Variants in NCKAP5 observed in about 807,000 individuals in gnomAD.
NCKAP5 encodes NCK associated protein 5, also known as nck-associated protein 5.
NCKAP5 carries 92 observed loss-of-function variants against 167.0 expected under a neutral mutation model. The observed-to-expected ratio is 0.55, with a 90% CI of 0.47 to 0.66. The LOEUF is 0.66. Among genes scored for constraint, NCKAP5 ranks in the 30% least tolerant of loss-of-function variants. The probability of loss-of-function intolerance (pLI) is 0.00; values close to 1 mark genes in which losing one functional copy is unlikely to be tolerated. For missense variants in NCKAP5, 2,378 were observed against 2,315.0 expected, an observed-to-expected ratio of 1.03 and a Z score of -0.56; for synonymous variants, 891 against 877.4, an observed-to-expected ratio of 1.02 and a Z score of -0.27.
At chr2:133,161,386 T>C (rs1455342246) in intron 5 of NCKAP5, among the ~76,000 whole-genome samples, 2 of 152,160 alleles carry the variant, frequency 1.3e-5, no homozygotes, top group African/African-American at 4.8e-5. Flanking sequence ...AATTAGTCCA[T>C]CTAAAAATAT....
chr2:133,574,511 C>T, the NCKAP5 span, among the ~76,000 whole-genome samples: 9 of 151,858 alleles, frequency 5.9e-5, no homozygotes, highest in African/African-American at 2.2e-4. Context: ...GTTGAGAAAG[C>T]TTTTTAGTTA....
intron 6 of NCKAP5, among the ~76,000 whole-genome samples, chr2:133,111,968 A>T (rs978620530): frequency 1.3e-5 from 2 of 152,190 alleles, no homozygotes; most frequent in Non-Finnish European, 2.9e-5. Flanking sequence ...CTAAGATTCC[A>T]GGTAAATTAA....
the NCKAP5 span, among the ~76,000 whole-genome samples, chr2:133,637,476 C>CAAAAAAAAAAAAAAAAAAAA: frequency 5.4e-4 from 17 of 31,662 alleles, no homozygotes; most frequent in Admixed American, 2.0e-3. Context: ...TGGTATTTTC[C>CAAAAAAAAAAAAAAAAAAAA]AAAAAAAAAA....
intron 9 of NCKAP5, among the ~76,000 whole-genome samples, chr2:132,873,592 C>T (rs1317920392): frequency 6.6e-6 from 1 of 152,122 alleles, no homozygotes; most frequent in East Asian, 1.9e-4. Context: ...AAGAAAGAAA[C>T]TCGAAGAGGT....
chr2:133,095,392 C>T (rs995398314), intron 6 of NCKAP5, among the ~76,000 whole-genome samples: 1 of 152,206 alleles, frequency 6.6e-6, no homozygotes, highest in Admixed American at 6.5e-5. Flanking sequence ...GAATTTGGGT[C>T]AGGCTCGTGA....
At position 132,672,911 on chromosome 2, in the gene NCKAP5, G is replaced by A; in HGVS notation, c.*378C>T. Reference sequence around the variant, plus strand: ...GCCTGCTGTGAATTTGACAAGGAAGGCTCTGGTACTGCAATAGTTTATTGT... The same window carrying A: ...GCCTGCTGTGAATTTGACAAGGAAGACTCTGGTACTGCAATAGTTTATTGT... On this transcript the variant is annotated 3_prime_UTR_variant, in exon 20 of 20. Coordinates refer to ENST00000409261, the MANE Select transcript of NCKAP5 (RefSeq NM_207363.3). 1.0e-6 allele frequency: 1 copy of A among 960,388 alleles called. No individual in the cohort carries two copies. 59.5% of individuals were successfully genotyped at this position (960,388 alleles called of 1,614,324 possible).
intron 9 of NCKAP5, among the ~76,000 whole-genome samples, chr2:132,875,874 C>T (rs188050206): frequency 2.6e-5 from 4 of 152,076 alleles, no homozygotes; most frequent in Admixed American, 6.5e-5. Flanking sequence ...CAGGTGTGTG[C>T]GCATGCATTT....
intron 2 of NCKAP5, among the ~76,000 whole-genome samples, chr2:133,531,341 A>G (rs1284080536): frequency 6.6e-6 from 1 of 152,166 alleles, no homozygotes; most frequent in Non-Finnish European, 1.5e-5. Context: ...TAATTTCTTT[A>G]GATACTAAGT....
At chr2:132,917,220 GC>G (rs1694953748) in intron 8 of NCKAP5, among the ~76,000 whole-genome samples, 2 of 152,152 alleles carry the variant, frequency 1.3e-5, no homozygotes, top group Admixed American at 1.3e-4. Context: ...AAACTAGCAA[GC>G]CACTCTTGAG....
chr2:133,063,415 G>A (rs749712629), intron 6 of NCKAP5, among the ~76,000 whole-genome samples: 20 of 152,092 alleles, frequency 1.3e-4, no homozygotes, highest in Admixed American at 9.2e-4. Context: ...TATATATGGC[G>A]AATCCATCTG....
At chr2:133,369,996 C>A (rs187056515) in intron 3 of NCKAP5, among the ~76,000 whole-genome samples, 1 of 152,130 alleles carries the variant, frequency 6.6e-6, no homozygotes. Flanking sequence ...AAACAGACAG[C>A]GCTTTGAATT....
Position 132,895,101 on chromosome 2 carries a change from G to A in NCKAP5, c.580-16185C>T, listed in dbSNP as rs550999793. Among the ~76,000 whole-genome samples the A allele has an allele frequency of 6.8e-3, 1,035 of 152,190 alleles. 8 individuals are homozygous for A. The highest frequency in any genetic ancestry group is 0.017 in the Middle Eastern group (5 of 292). On this transcript the variant is annotated intron_variant, in intron 8 of 19. Transcript: ENST00000409261. ...AATCCCAGCACTTTGGGAGGCCAAG[G>A]CGGGCGGATCACAAGGTCAGGAGAT...
chr2:133,511,553 G>A (rs953981273), intron 3 of NCKAP5, among the ~76,000 whole-genome samples: 2 of 152,180 alleles, frequency 1.3e-5, no homozygotes, highest in South Asian at 2.1e-4. Flanking sequence ...ATATTTCAGC[G>A]TGACATTTTG....
At chr2:133,663,153 C>G in the NCKAP5 span, among the ~76,000 whole-genome samples, 1 of 151,976 alleles carries the variant, frequency 6.6e-6, no homozygotes, top group African/African-American at 2.4e-5. Flanking sequence ...GTAGTCCCAG[C>G]TACTCGGGAG....
chr2:133,558,704 C>CAAAGAA (rs1687930268), intron 2 of NCKAP5, among the ~76,000 whole-genome samples: 1 of 50,872 alleles, frequency 2.0e-5, no homozygotes, highest in Admixed American at 3.1e-4. Context: ...ATGTGCTGAG[C>CAAAGAA]AAAAAAAAAA....
At chr2:133,478,681 G>A (rs1680163450) in intron 3 of NCKAP5, among the ~76,000 whole-genome samples, 1 of 152,134 alleles carries the variant, frequency 6.6e-6, no homozygotes, top group Admixed American at 6.6e-5. Flanking sequence ...ATACAGGATA[G>A]TGATTTCACT....
intron 6 of NCKAP5, among the ~76,000 whole-genome samples, chr2:133,028,655 C>G (rs2078776524): frequency 2.0e-5 from 3 of 152,182 alleles, no homozygotes; most frequent in Non-Finnish European, 2.9e-5. Flanking sequence ...AAGGCAACTG[C>G]TTTAACAACA....
At chr2:133,368,106 A>G (rs1444353678) in intron 3 of NCKAP5, among the ~76,000 whole-genome samples, 1 of 152,236 alleles carries the variant, frequency 6.6e-6, no homozygotes, top group Non-Finnish European at 1.5e-5. Flanking sequence ...ATTAGAGGTC[A>G]CATGCCCTTT....
the NCKAP5 span, among the ~76,000 whole-genome samples, chr2:133,674,811 A>T: frequency 6.6e-6 from 1 of 152,114 alleles, no homozygotes; most frequent in Non-Finnish European, 1.5e-5. Context: ...AGTTTTAATC[A>T]CTGGTTTCCC....
Sources: gnomAD v4.1 joint callset for allele counts (sites outside exome capture counted in the v4.1 genomes callset) on GRCh38, gnomAD v4.1.1 for gene constraint, MANE v1.5 for transcripts, NCBI Gene and HGNC (gene_info 2026-07-23, HGNC 2026-07-21) for gene names.